DENND1B: variants seen among roughly 807,000 people sequenced by gnomAD.
DENND1B encodes DENN domain-containing protein 1B.
A neutral mutation model predicts 90.1 loss-of-function variants in DENND1B; 59 were observed. The observed-to-expected ratio is 0.65, with a 90% CI of 0.53 to 0.81. The LOEUF (loss-of-function observed/expected upper bound fraction) is 0.81, where lower values mean the gene tolerates loss of function less well. DENND1B is among the 40% of genes least tolerant of loss of function. The pLI is 0.00. For missense variants in DENND1B, 862 were observed against 912.6 expected (o/e 0.94, Z 0.71); for synonymous variants, 337 against 324.6 (o/e 1.04, Z -0.41).
chr1:197,735,037 GA>G, intron 2 of DENND1B: 1 of 985,224 alleles, frequency 1.0e-6, no homozygotes. Context: ...TACTTCTGTA[GA>G]AAAAGCGGAC....
intron 15 of DENND1B, among the ~76,000 whole-genome samples, chr1:197,559,572 C>T (rs1414510667): frequency 6.6e-6 from 1 of 151,834 alleles, no homozygotes; most frequent in African/African-American, 2.4e-5. Flanking sequence ...CTAATAGATT[C>T]AAGTCTTGAG....
At chr1:197,562,185 T>C (rs6692898) in intron 15 of DENND1B, among the ~76,000 whole-genome samples, 150,362 of 152,056 alleles carry the variant, frequency 0.99, 74,355 homozygotes, top group East Asian at 1. Context: ...GAAATAAAAG[T>C]TTCACAAAGT....
chr1:197,673,379 T>C (rs1291954356), intron 4 of DENND1B, among the ~76,000 whole-genome samples: 1 of 152,106 alleles, frequency 6.6e-6, no homozygotes, highest in Non-Finnish European at 1.5e-5. Flanking sequence ...GAAGGCTTTA[T>C]CTTTAATACA....
upstream of DENND1B, among the ~76,000 whole-genome samples, chr1:197,776,548 T>C (rs1318850724): frequency 2.0e-5 from 3 of 152,144 alleles, no homozygotes; most frequent in African/African-American, 4.8e-5. Flanking sequence ...CAAAAGGTGG[T>C]TACTTCAGAC....
At chr1:197,705,950 G>C (rs1041878196) in intron 3 of DENND1B, among the ~76,000 whole-genome samples, 2 of 152,074 alleles carry the variant, frequency 1.3e-5, no homozygotes, top group African/African-American at 4.8e-5. Flanking sequence ...GGTTGTACTA[G>C]ACGTAATTAA....
chr1:197,618,565 A>C (rs1677870425), intron 10 of DENND1B, among the ~76,000 whole-genome samples: 1 of 151,302 alleles, frequency 6.6e-6, no homozygotes, highest in Middle Eastern at 3.4e-3. Flanking sequence ...TAACAAAAGG[A>C]TATCACTTTT....
chr1:197,664,781 T>C lies in DENND1B; in HGVS notation c.297-6412A>G, dbSNP rs529704526. 5.3e-5 allele frequency among the ~76,000 whole-genome samples: 8 copies of C among 152,190 alleles called. No homozygotes were observed. The East Asian group carries it at 1.5e-3, about 29-fold the overall frequency. On this transcript the variant is annotated intron_variant, in intron 5 of 22. Transcript: ENST00000620048. The stretch of plus-strand genomic sequence containing the variant: ...GAAAATTGACACAAAATGTGTAAAA[T>C]TGAAACATTCTGCTTCTAAGGGATT...
chr1:197,645,723 A>G lies in DENND1B; in HGVS notation c.528T>C (p.Pro176=). ...GTATTGTTGGGAGTCCAGTTACATC[A>G]GGGGCAATGAAGTAGGAATGCTAAT... is the stretch of plus-strand genomic sequence containing the variant. ...ALVPHSYFIA[P]DVTGLPTIPE... The change falls in exon 9 of 23, where the codon CCT becomes CCC. Residue 176 remains proline (P), a synonymous_variant. Transcript: ENST00000620048. 1 of 1,573,738 alleles carries G rather than the reference A, an allele frequency of 6.4e-7. No homozygotes were observed. The highest frequency in any genetic ancestry group is 8.6e-7 in the Non-Finnish European group (1 of 1,160,122).
intron 3 of DENND1B, among the ~76,000 whole-genome samples, chr1:197,682,030 G>T (rs1656743625): frequency 1.3e-5 from 2 of 149,554 alleles, no homozygotes; most frequent in Non-Finnish European, 3.0e-5. Flanking sequence ...TAAACTGCTT[G>T]TTTTCCCGAA....
intron 7 of DENND1B, among the ~76,000 whole-genome samples, chr1:197,650,942 C>G (rs1407751218): frequency 6.6e-6 from 1 of 151,790 alleles, no homozygotes; most frequent in African/African-American, 2.4e-5. Context: ...GATGGGTGCA[C>G]CAAAATATCA....
At chr1:197,576,980 G>A (rs1015045802) in intron 15 of DENND1B, among the ~76,000 whole-genome samples, 7 of 152,048 alleles carry the variant, frequency 4.6e-5, no homozygotes, top group African/African-American at 1.7e-4. Context: ...TATATTCATG[G>A]AGAGCCCGTA....
intron 6 of DENND1B, among the ~76,000 whole-genome samples, chr1:197,656,006 C>T (rs1326947706): frequency 6.6e-6 from 1 of 151,896 alleles, no homozygotes; most frequent in East Asian, 1.9e-4. Context: ...AGGTCAGAAG[C>T]CAGATCATAA....
At chr1:197,779,908 T>C (rs1348346626), upstream of DENND1B, among the ~76,000 whole-genome samples, 2 of 152,180 alleles carry the variant, frequency 1.3e-5, no homozygotes, top group Admixed American at 6.5e-5. Flanking sequence ...ATGTATGTGA[T>C]TTCTTTTTAT....
intron 20 of DENND1B, among the ~76,000 whole-genome samples, chr1:197,535,680 C>A: frequency 6.6e-6 from 1 of 152,062 alleles, no homozygotes; most frequent in African/African-American, 2.4e-5. Flanking sequence ...TCCTTAAAAC[C>A]ACTTCTCTGA....
chr1:197,550,744 A>G (rs1671166792), intron 16 of DENND1B, among the ~76,000 whole-genome samples: 1 of 151,708 alleles, frequency 6.6e-6, no homozygotes, highest in Non-Finnish European at 1.5e-5. Flanking sequence ...GCACACCAAC[A>G]TGGCACATGT....
chr1:197,566,684 CA>C (rs989439356), intron 15 of DENND1B, among the ~76,000 whole-genome samples: 14 of 151,802 alleles, frequency 9.2e-5, no homozygotes, highest in Non-Finnish European at 8.8e-5. Context: ...GATACAAAAA[CA>C]CTTAAAGCAT....
At chr1:197,662,520 ACAGTCTATCACC>A (rs1235936279) in intron 5 of DENND1B, among the ~76,000 whole-genome samples, 2 of 152,010 alleles carry the variant, frequency 1.3e-5, no homozygotes, top group African/African-American at 4.8e-5. Context: ...TCTACCACAG[ACAGTCTATCACC>A]CTATCTTGGC....
At chr1:197,661,139 A>G (rs912308820) in intron 5 of DENND1B, among the ~76,000 whole-genome samples, 1 of 152,100 alleles carries the variant, frequency 6.6e-6, no homozygotes, top group African/African-American at 2.4e-5. Flanking sequence ...GGTAATCTCA[A>G]TTTTCCTACT....
At chr1:197,648,837 T>G (rs1265562746) in intron 7 of DENND1B, among the ~76,000 whole-genome samples, 1 of 152,206 alleles carries the variant, frequency 6.6e-6, no homozygotes, top group East Asian at 1.9e-4. Context: ...TAGCCTCTGC[T>G]CTGTGCTCTT....
Sources: allele counts gnomAD v4.1 joint callset (sites outside exome capture counted in the v4.1 genomes callset), GRCh38; gene constraint gnomAD v4.1.1; transcripts MANE v1.5; gene names NCBI Gene and HGNC (gene_info 2026-07-23, HGNC 2026-07-21).